The following ITPR1 variants were observed in gnomAD, a reference collection of about 807,000 sequenced individuals.
The protein encoded by ITPR1 is inositol 1,4,5-trisphosphate receptor type 1.
Under a neutral mutation model 318.4 loss-of-function variants are expected in ITPR1, and 96 were observed. The ratio of observed to expected loss-of-function variants is 0.30; its 90% CI spans 0.26 to 0.36. The LOEUF is 0.36. Ranked by LOEUF, ITPR1 falls within the 10% of genes least tolerant of loss-of-function variation. ITPR1 has a pLI of 1.00. For synonymous variants in ITPR1, 1,312 were observed against 1,289.9 expected, an observed-to-expected ratio of 1.02 and a Z score of -0.37; for missense variants, 2,440 against 3,460.2, an observed-to-expected ratio of 0.71 and a Z score of 7.40.
intron 50 of ITPR1, 58 bp downstream of exon 50, chr3:4,782,799 A>G: frequency 4.3e-6 from 6 of 1,403,380 alleles, no homozygotes; most frequent in Non-Finnish European, 5.6e-6. Context: ...CAAAATTCCG[A>G]GCTGGAGGGT....
chr3:4,772,152 C>G (rs2046228577), intron 46 of ITPR1, among the ~76,000 whole-genome samples: 1 of 152,254 alleles, frequency 6.6e-6, no homozygotes, highest in Non-Finnish European at 1.5e-5. Flanking sequence ...GACTCAGCCA[C>G]TCTGAGTGCC....
At position 4,782,493 on chromosome 3, in the gene ITPR1, C is replaced by G. The variant is rs532159645; in HGVS notation, c.6388-126C>G. The G allele has an allele frequency of 2.0e-5, 19 of 940,928 alleles. No homozygotes were observed. In the African/African-American group the frequency reaches 2.5e-4, roughly 12 times the overall value. 58.3% of individuals were successfully genotyped at this position (940,928 alleles called of 1,614,324 possible). On this transcript the variant is annotated intron_variant, in intron 49 of 61. Transcript: ENST00000649015. ...AGGATTCTGAGGCTGTGTCCAAGCC[C>G]GATAGGAGAGAGTGCGGAACAGCCT... is the stretch of plus-strand genomic sequence containing the variant.
intron 15 of ITPR1, among the ~76,000 whole-genome samples, chr3:4,662,740 C>A (rs1378397449): frequency 1.3e-5 from 2 of 151,994 alleles, no homozygotes; most frequent in East Asian, 1.9e-4. Flanking sequence ...TAATAATAAT[C>A]AAGTGATGAA....
At chr3:4,754,796 C>T (rs1204185733) in intron 44 of ITPR1, among the ~76,000 whole-genome samples, 1 of 152,244 alleles carries the variant, frequency 6.6e-6, no homozygotes, top group Admixed American at 6.5e-5. Flanking sequence ...CAGTCCCCTT[C>T]CACTTCAGGC....
At chr3:4,496,413 T>C (rs541648085) in intron 2 of ITPR1, among the ~76,000 whole-genome samples, 26 of 152,224 alleles carry the variant, frequency 1.7e-4, no homozygotes, top group Non-Finnish European at 3.4e-4. Context: ...CAAGATATCA[T>C]TCTTATCAGG....
chr3:4,816,894 T>C (rs987378274), intron 59 of ITPR1, among the ~76,000 whole-genome samples: 4 of 152,234 alleles, frequency 2.6e-5, no homozygotes, highest in African/African-American at 9.6e-5. Context: ...GTTATTATTA[T>C]TTCTACATTT....
chr3:4,544,400 T>G (rs867201409), intron 4 of ITPR1, among the ~76,000 whole-genome samples: 1 of 152,238 alleles, frequency 6.6e-6, no homozygotes, highest in Admixed American at 6.5e-5. Context: ...TCTAGCCATC[T>G]CAAATGGATG....
At chr3:4,609,383 G>A (rs1036306014) in intron 4 of ITPR1, among the ~76,000 whole-genome samples, 1 of 152,002 alleles carries the variant, frequency 6.6e-6, no homozygotes, top group Non-Finnish European at 1.5e-5. Flanking sequence ...CATGAAATAA[G>A]AAAGCAGCTT....
intron 13 of ITPR1, 149 bp downstream of exon 13, chr3:4,658,427 C>A: frequency 3.2e-6 from 2 of 622,844 alleles, no homozygotes; most frequent in Non-Finnish European, 5.3e-6. Flanking sequence ...CCCGGTATGG[C>A]AACTGATTTT....
intron 51 of ITPR1, among the ~76,000 whole-genome samples, chr3:4,784,893 C>CA (rs1038512123): frequency 9.2e-4 from 134 of 145,870 alleles, no homozygotes; most frequent in Middle Eastern, 3.4e-3. Context: ...CAAGCTGTCT[C>CA]AAAAAAAAAA....
intron 32 of ITPR1, among the ~76,000 whole-genome samples, chr3:4,692,312 G>T (rs1427912316): frequency 6.6e-6 from 1 of 152,144 alleles, no homozygotes; most frequent in African/African-American, 2.4e-5. Context: ...GTTGATATGT[G>T]GGGTAAATGA....
chr3:4,642,439 T>C (rs758288181), intron 7 of ITPR1, among the ~76,000 whole-genome samples, 188 bp downstream of exon 7: 2 of 152,216 alleles, frequency 1.3e-5, no homozygotes, highest in Non-Finnish European at 2.9e-5. Context: ...ACCTAAATAC[T>C]GTCACTGTGT....
At chr3:4,733,352 G>A (rs772716534) in intron 43 of ITPR1, 132 bp downstream of exon 43, 24 of 1,073,068 alleles carry the variant, frequency 2.2e-5, no homozygotes, top group Non-Finnish European at 3.1e-5. Context: ...TTAGCAACTT[G>A]TTTTGTCTTT....
intron 52 of ITPR1, among the ~76,000 whole-genome samples, chr3:4,790,946 A>C (rs1177911493): frequency 6.6e-6 from 1 of 152,240 alleles, no homozygotes; most frequent in Admixed American, 6.5e-5. Context: ...CAGTGAAGTG[A>C]AAACTCTGGG....
At chr3:4,844,412 G>A (rs1211568072) in intron 61 of ITPR1, among the ~76,000 whole-genome samples, 4 of 152,098 alleles carry the variant, frequency 2.6e-5, no homozygotes, top group African/African-American at 4.8e-5. Flanking sequence ...GCGTGAGCCC[G>A]CTGCACCTGG....
At chr3:4,541,102 C>T (rs2084398145) in intron 4 of ITPR1, among the ~76,000 whole-genome samples, 1 of 151,972 alleles carries the variant, frequency 6.6e-6, no homozygotes, top group South Asian at 2.1e-4. Flanking sequence ...TCAGTCTATG[C>T]TCCTGTTCAT....
At chr3:4,706,679 C>T (rs1323076589) in intron 37 of ITPR1, among the ~76,000 whole-genome samples, 1 of 152,074 alleles carries the variant, frequency 6.6e-6, no homozygotes, top group Non-Finnish European at 1.5e-5. Flanking sequence ...TCCATTTTCC[C>T]CATCACTCTG....
intron 2 of ITPR1, among the ~76,000 whole-genome samples, chr3:4,513,252 C>T (rs1376739462): frequency 6.6e-6 from 1 of 152,180 alleles, no homozygotes; most frequent in East Asian, 1.9e-4. Context: ...TTGACTTTCC[C>T]GGCCTTTGTT....
At chr3:4,775,545 G>T in intron 47 of ITPR1, 103 bp downstream of exon 47, 1 of 841,430 alleles carries the variant, frequency 1.2e-6, no homozygotes, top group African/African-American at 1.7e-5. Flanking sequence ...TGTTGGCCTA[G>T]GGAGTCAGTA....
Sources: allele counts gnomAD v4.1 joint callset (sites outside exome capture counted in the v4.1 genomes callset), GRCh38; gene constraint gnomAD v4.1.1; transcripts MANE v1.5; gene names NCBI Gene and HGNC (gene_info 2026-07-23, HGNC 2026-07-21).